The following ALDH1A3 variants were observed in gnomAD, a reference collection of about 807,000 sequenced individuals.
The protein encoded by ALDH1A3 is retinaldehyde dehydrogenase 3.
A neutral mutation model predicts 57.5 loss-of-function variants in ALDH1A3; 28 were observed. That is an observed-to-expected ratio of 0.49 (90% CI 0.36 to 0.67). ALDH1A3 has a LOEUF of 0.67. ALDH1A3 is among the 30% of genes least tolerant of loss of function. The pLI is 0.00. For synonymous variants in ALDH1A3, 281 were observed against 264.8 expected (o/e 1.06, Z -0.59); for missense variants, 507 against 669.4 (o/e 0.76, Z 2.68).
In ALDH1A3 at chr15:100,893,787, G is replaced by A. The variant is rs900478806; in HGVS notation, c.538-167G>A. The A allele has an allele frequency of 1.2e-6, 1 of 846,850 alleles. No individual in the cohort carries two copies. 52.5% of individuals were successfully genotyped at this position (846,850 alleles called of 1,614,324 possible). On this transcript the variant is annotated intron_variant, in intron 5 of 12. Transcript: ENST00000329841. The surrounding 1 kb of genome is among the most constrained non-coding windows in gnomAD (Gnocchi z 4.8). Reference sequence around the variant, plus strand: ...TACCACCCAGAATGCAGTTTAGGAAGTGCTGTGCAGGATTGCAGTTCTGAT... The same window carrying A: ...TACCACCCAGAATGCAGTTTAGGAAATGCTGTGCAGGATTGCAGTTCTGAT...
intron 9 of ALDH1A3, among the ~76,000 whole-genome samples, chr15:100,902,700 G>A (rs960216046): frequency 6.6e-6 from 1 of 152,224 alleles, no homozygotes; most frequent in Non-Finnish European, 1.5e-5. Context: ...GCCCTGCTGC[G>A]TCATCTCACT....
chr15:100,907,482 A>G (rs2041833414), intron 11 of ALDH1A3, among the ~76,000 whole-genome samples: 1 of 152,220 alleles, frequency 6.6e-6, no homozygotes, highest in African/African-American at 2.4e-5. Flanking sequence ...ATTGAGGCAC[A>G]GAGAGATGAA....
chr15:100,895,936 G>A lies in ALDH1A3; in HGVS notation c.670G>A (p.Gly224Arg), dbSNP rs377673187. Residue 224 changes from glycine (G) to arginine (R), a missense_variant, in exon 7 of 13, where the codon GGG (glycine) becomes AGG (arginine). By Grantham distance (125) the Gly-to-Arg change is moderately radical. Coordinates refer to ENST00000329841, the MANE Select transcript of ALDH1A3 (RefSeq NM_000693.4). ...TGCTATCTTGATTTCTTCCCAGGCC[G>A]GGTTCCCTCCAGGAGTGGTGAACAT... ...LYLGSLIKEAGFPPGVVNIVP... is the reference protein window; with the variant it reads ...LYLGSLIKEARFPPGVVNIVP... The A allele has an allele frequency of 8.1e-6, 13 of 1,611,652 alleles. No homozygotes were observed. The highest frequency in any genetic ancestry group is 4.5e-5 in the East Asian group (2 of 44,800).
chr15:100,894,134 C>A lies in ALDH1A3; in HGVS notation c.666+52C>A. 1 of 1,598,610 alleles carries A rather than the reference C, an allele frequency of 6.3e-7. No individual in the cohort carries two copies. Among genetic ancestry groups the A allele is most frequent in the Non-Finnish European group, 8.5e-7 (1 of 1,171,596 alleles). The stretch of plus-strand genomic sequence containing the variant: ...CATGTTCTTGGTAACATTCCCACTC[C>A]TAGGAACCAGGCCACCGTCACGAGA... On this transcript the variant is annotated intron_variant, in intron 6 of 12. Coordinates refer to ENST00000329841, the MANE Select transcript of ALDH1A3 (RefSeq NM_000693.4). This position sits in a 1 kb window ranked among gnomAD's most constrained non-coding sequence, Gnocchi z 4.5.
rs746254041 is a variant in ALDH1A3, at chr15:100,914,775, G to T, written c.*2G>T. 1.8e-5 allele frequency: 29 copies of T among 1,613,762 alleles called. No individual in the cohort carries two copies. The highest frequency in any genetic ancestry group is 1.2e-4 in the Admixed American group (7 of 59,974). On this transcript the variant is annotated 3_prime_UTR_variant, in exon 13 of 13. Transcript: ENST00000329841. ...AAACTTGGCGACAAGAACCCCTGAA[G>T]GAAAGGCGGGGCTCCTTCCTCAAAC...
intron 1 of ALDH1A3, among the ~76,000 whole-genome samples, chr15:100,882,695 C>T (rs1359424702): frequency 2.0e-5 from 3 of 152,198 alleles, no homozygotes; most frequent in Non-Finnish European, 4.4e-5. Context: ...CTCAATGTAG[C>T]TTAATGCTAT....
rs1265230836 is a variant in ALDH1A3 at position 100,907,147 on chromosome 15, G to T, written c.1260G>T (p.Leu420=). The T allele has an allele frequency of 1.2e-6, 2 of 1,613,894 alleles. No homozygotes were observed. Among genetic ancestry groups the T allele is most frequent in the Non-Finnish European group, 1.7e-6 (2 of 1,179,968 alleles). Residue 420 remains leucine (L), a synonymous_variant, in exon 11 of 13, where the codon CTG becomes CTT. Transcript: ENST00000329841. ...EEIFGPVQPI[L]KFKSIEEVIK... Reference sequence around the variant, plus strand: ...TTTTCGGGCCAGTGCAACCAATACTGAAGTTCAAAAGTATCGAAGAAGTGA... The same window carrying T: ...TTTTCGGGCCAGTGCAACCAATACTTAAGTTCAAAAGTATCGAAGAAGTGA...
At chr15:100,892,707 C>A in intron 4 of ALDH1A3, 68 bp downstream of exon 4, 1 of 1,534,268 alleles carries the variant, frequency 6.5e-7, no homozygotes, top group South Asian at 1.3e-5. Context: ...TAATCCAGAG[C>A]CCCCCCTGAC....
At chr15:100,899,853 C>T (rs1047488862) in intron 8 of ALDH1A3, among the ~76,000 whole-genome samples, 3 of 152,206 alleles carry the variant, frequency 2.0e-5, no homozygotes, top group Admixed American at 6.5e-5. Context: ...CTTCCAATGC[C>T]CAGAGCCACT....
intron 9 of ALDH1A3, among the ~76,000 whole-genome samples, chr15:100,901,710 T>C (rs1410069500): frequency 6.6e-6 from 1 of 152,236 alleles, no homozygotes. Context: ...GGGCAGGTTT[T>C]ATTTTTAAAC....
chr15:100,909,473 C>CCG (rs2041861566), intron 12 of ALDH1A3, among the ~76,000 whole-genome samples: 1 of 78,026 alleles, frequency 1.3e-5, no homozygotes, highest in African/African-American at 4.3e-5. Context: ...GCAAACTCCT[C>CCG]AGTGTGTGAA....
Position 100,897,989 on chromosome 15 carries a change from C to G in ALDH1A3, c.781-94C>G. On this transcript the variant is annotated intron_variant, in intron 7 of 12. Transcript: ENST00000329841. ...GCCGAGAGCCAGGTGGTGGCACTGC[C>G]ACCCGGGCTTGATCAGAATGTTCAC... 3 of 1,222,228 alleles carry G rather than the reference C, an allele frequency of 2.5e-6. No homozygotes were observed. In the Admixed American group the frequency reaches 5.5e-5, roughly 23 times the overall value. 75.7% of individuals were successfully genotyped at this position (1,222,228 alleles called of 1,614,324 possible).
chr15:100,910,818 C>T (rs1379398314), intron 12 of ALDH1A3, among the ~76,000 whole-genome samples: 2 of 152,234 alleles, frequency 1.3e-5, no homozygotes, highest in Admixed American at 6.5e-5. Context: ...CCTCACGCCA[C>T]AGCAAGGACT....
At chr15:100,897,657 C>G (rs2141560489) in intron 7 of ALDH1A3, among the ~76,000 whole-genome samples, 1 of 152,358 alleles carries the variant, frequency 6.6e-6, no homozygotes, top group South Asian at 2.1e-4. Context: ...AGAACCACCC[C>G]CCTACTGGGC....
At chr15:100,904,485 T>C (rs1007502502) in intron 9 of ALDH1A3, among the ~76,000 whole-genome samples, 6 of 152,240 alleles carry the variant, frequency 3.9e-5, no homozygotes, top group African/African-American at 1.2e-4. Flanking sequence ...TTGCTTCTTT[T>C]TCTGTTTATG....
At chr15:100,890,074 C>G (rs1193189501) in intron 3 of ALDH1A3, among the ~76,000 whole-genome samples, 1 of 152,216 alleles carries the variant, frequency 6.6e-6, no homozygotes, top group Non-Finnish European at 1.5e-5. Context: ...TTTGCTGGGG[C>G]ACCCAGGCCC....
rs1337474504 is a variant in ALDH1A3 at position 100,887,726 on chromosome 15, C to T, written c.345+14C>T. 5 of 1,572,980 alleles carry T rather than the reference C, an allele frequency of 3.2e-6. No individual in the cohort carries two copies. Among genetic ancestry groups the T allele is most frequent in the East Asian group, 2.3e-5 (1 of 43,504 alleles). ...GCCACCTTGGCCGTGAGTACATGCA[C>T]TTGGGGGCCGGTGGGGGATGAGCCA... On this transcript the variant is annotated intron_variant, in intron 3 of 12. Transcript: ENST00000329841. This position sits in a 1 kb window ranked among gnomAD's most constrained non-coding sequence, Gnocchi z 4.6.
At chr15:100,883,330 G>A (rs181266510) in intron 1 of ALDH1A3, among the ~76,000 whole-genome samples, 12 of 152,212 alleles carry the variant, frequency 7.9e-5, no homozygotes, top group African/African-American at 1.7e-4. Context: ...TTAATTTCTC[G>A]CTGTTACCAA....
At chr15:100,898,748 G>C (rs1266897053) in intron 8 of ALDH1A3, among the ~76,000 whole-genome samples, 2 of 152,238 alleles carry the variant, frequency 1.3e-5, no homozygotes, top group Non-Finnish European at 2.9e-5. Flanking sequence ...CCCTGGGAAA[G>C]CAACCTGCCC....
Sources: gnomAD v4.1 joint callset for allele counts (sites outside exome capture counted in the v4.1 genomes callset) on GRCh38, gnomAD v4.1.1 for gene constraint, Gnocchi (gnomAD v3.1) non-coding constraint, MANE v1.5 for transcripts, NCBI Gene and HGNC (gene_info 2026-07-23, HGNC 2026-07-21) for gene names.